Variants in BAZ2A observed in about 807,000 individuals in gnomAD.
The protein encoded by BAZ2A is bromodomain adjacent to zinc finger domain 2A, also known as bromodomain adjacent to zinc finger domain protein 2A.
BAZ2A carries 34 observed loss-of-function variants against 199.9 expected under a neutral mutation model. That is an observed-to-expected ratio of 0.17 (90% CI 0.13 to 0.23). The LOEUF (loss-of-function observed/expected upper bound fraction) is 0.23, where lower values mean the gene tolerates loss of function less well. Ranked by LOEUF, BAZ2A falls within the 10% of genes least tolerant of loss-of-function variation. The pLI is 1.00. For missense variants in BAZ2A, 2,002 were observed against 2,391.1 expected, an observed-to-expected ratio of 0.84 and a Z score of 3.39; for synonymous variants, 857 against 883.9, an observed-to-expected ratio of 0.97 and a Z score of 0.54.
chr12:56,606,369 G>A, intron 11 of BAZ2A, 57 bp from the exon 12 acceptor site: 1 of 1,599,244 alleles, frequency 6.3e-7, no homozygotes, highest in African/African-American at 1.3e-5. Context: ...CTCTGCTTGG[G>A]CTAGGATTCA....
chr12:56,611,925 G>A lies in BAZ2A; in HGVS notation c.1457C>T (p.Ala486Val). The A allele has an allele frequency of 1.2e-6, 2 of 1,611,646 alleles. No individual in the cohort carries two copies. The highest frequency in any genetic ancestry group is 1.7e-6 in the Non-Finnish European group (2 of 1,178,714). The change falls in exon 6 of 29, where the codon GCT becomes GTT. Residue 486 changes from alanine to valine, a missense_variant. This residue lies in a region of BAZ2A where 641 missense variants were observed against 694.5 expected (regional missense o/e 0.92). Transcript: ENST00000549884. Reference sequence around the variant, plus strand: ...AGAGGCTTTTGGGGATGTCACTGAAGCCGTCAACGGGACTTCTAAGGAGAC... The same window carrying A: ...AGAGGCTTTTGGGGATGTCACTGAAACCGTCAACGGGACTTCTAAGGAGAC... The part of the protein sequence containing the change: ...PAVSLEVPLT[A>V]SVTSPKASPV...
Position 56,612,231 on chromosome 12 carries a change from A to G in BAZ2A, c.1151T>C (p.Leu384Pro), listed in dbSNP as rs1443783529. The G allele has an allele frequency of 6.2e-7, 1 of 1,613,238 alleles. No individual in the cohort carries two copies. Among genetic ancestry groups the G allele is most frequent in the East Asian group, 2.2e-5 (1 of 44,872 alleles). The change falls in exon 6 of 29, where the codon CTG (leucine) becomes CCG (proline). Residue 384 changes from leucine (L) to proline (P), a missense_variant. By Grantham distance (98) the Leu-to-Pro change is moderately conservative (BLOSUM62 -3). Coordinates refer to ENST00000549884, the MANE Select transcript of BAZ2A (RefSeq NM_001300905.2). Reference sequence around the variant, plus strand: ...CTGTTCAGCGTCACTACCATTATTCAGGTCAAAGCTGTTATCTAGAATCCA... The same window carrying G: ...CTGTTCAGCGTCACTACCATTATTCGGGTCAAAGCTGTTATCTAGAATCCA... ...ESVLQDNSFD[L>P]NNGSDAEQEE...
chr12:56,630,866 C>T, upstream of BAZ2A: 2 of 985,534 alleles, frequency 2.0e-6, no homozygotes, highest in Non-Finnish European at 1.2e-6. Context: ...GGAAAGATTC[C>T]TGTGCGTGGG....
chr12:56,620,563 C>CTTTTTTTTTT (rs11367195), intron 1 of BAZ2A, among the ~76,000 whole-genome samples: 2 of 144,426 alleles, frequency 1.4e-5, no homozygotes, highest in Admixed American at 6.9e-5. Context: ...CCAGGATTTC[C>CTTTTTTTTTT]TTTTTTTTTT....
chr12:56,626,157 A>G (rs1951091810), intron 1 of BAZ2A, among the ~76,000 whole-genome samples: 1 of 152,196 alleles, frequency 6.6e-6, no homozygotes, highest in Non-Finnish European at 1.5e-5. Context: ...AAATAGTCCT[A>G]CTGACCCACA....
At position 56,606,602 on chromosome 12, in the gene BAZ2A, CCTA is replaced by C. The variant is rs756522007; in HGVS notation, c.2193+28_2193+30del. On this transcript the variant is annotated intron_variant, in intron 11 of 28. Transcript: ENST00000549884. Reference sequence around the variant, plus strand: ...TGAAGTAAGTTGTAGGAAAAATTAACCTACTGTTTCATCTCTCTGATGTCCCTC... The same window carrying C: ...TGAAGTAAGTTGTAGGAAAAATTAACCTGTTTCATCTCTCTGATGTCCCTC... 10 of 1,584,284 alleles carry C rather than the reference CCTA, an allele frequency of 6.3e-6. No homozygotes were observed. In the South Asian group the frequency reaches 8.8e-5, roughly 14 times the overall value.
chr12:56,604,345 G>A (rs1028391944), intron 15 of BAZ2A, 54 bp from the exon 16 acceptor site: 7 of 1,527,156 alleles, frequency 4.6e-6, no homozygotes, highest in Non-Finnish European at 5.4e-6. Flanking sequence ...AGGGAAAGGA[G>A]GCTCAAGGGT....
chr12:56,615,785 T>A (rs1331062405), intron 2 of BAZ2A, among the ~76,000 whole-genome samples, 178 bp from the exon 3 acceptor site: 1 of 152,190 alleles, frequency 6.6e-6, no homozygotes, highest in African/African-American at 2.4e-5. Context: ...GGCTCCTGGA[T>A]GTAGGTTTAG....
chr12:56,636,985 G>C (rs1951462249), upstream of BAZ2A, among the ~76,000 whole-genome samples: 1 of 152,156 alleles, frequency 6.6e-6, no homozygotes, highest in African/African-American at 2.4e-5. Flanking sequence ...CAGCCCCCAG[G>C]GGCCTCTGAA....
At chr12:56,629,982 G>A (rs1343287767) in intron 1 of BAZ2A, 143 bp downstream of exon 1, 3 of 587,140 alleles carry the variant, frequency 5.1e-6, no homozygotes, top group African/African-American at 4.1e-5. Context: ...CCTCGGGTTG[G>A]ATCCTCGCAG....
chr12:56,610,368 C>A, intron 8 of BAZ2A, 41 bp downstream of exon 8: 1 of 1,604,002 alleles, frequency 6.2e-7, no homozygotes, highest in South Asian at 1.1e-5. Flanking sequence ...AAGGAGTCCA[C>A]TGAGCCCAAG....
At chr12:56,605,483 A>G in intron 13 of BAZ2A, 156 bp from the exon 14 acceptor site, 1 of 828,698 alleles carries the variant, frequency 1.2e-6, no homozygotes, top group Non-Finnish European at 1.8e-6. Flanking sequence ...GTGCAGTGGC[A>G]TGATCTCTGC....
chr12:56,623,028 A>G (rs1950969493), intron 1 of BAZ2A, among the ~76,000 whole-genome samples: 1 of 152,090 alleles, frequency 6.6e-6, no homozygotes, highest in Non-Finnish European at 1.5e-5. Context: ...CGAGGTCAAG[A>G]GATCGAGACC....
chr12:56,603,163 C>T (rs1469718086), intron 18 of BAZ2A, among the ~76,000 whole-genome samples, 196 bp downstream of exon 18: 1 of 152,194 alleles, frequency 6.6e-6, no homozygotes, highest in Non-Finnish European at 1.5e-5. Context: ...TGCCTGTAGT[C>T]CCAGCTACTT....
Position 56,602,874 on chromosome 12 carries a change from A to AATGAAG in BAZ2A, c.3280-23_3280-18dup. 1 of 1,599,288 alleles carries AATGAAG rather than the reference A, an allele frequency of 6.3e-7. No individual in the cohort carries two copies. The highest frequency in any genetic ancestry group is 8.5e-7 in the Non-Finnish European group (1 of 1,170,904). ...AAGCTGACGCTGGGTAGACAATGAA[A>AATGAAG]ATGAAGATGAATAAACACATTTCCA... On this transcript the variant is annotated splice_polypyrimidine_tract_variant and intron_variant, in intron 18 of 28. Transcript: ENST00000549884.
In BAZ2A at chr12:56,610,429, G is replaced by C. The variant is rs1950523408; in HGVS notation, c.1759C>G (p.Gln587Glu). The change falls in exon 8 of 29, where the codon CAA becomes GAA. Residue 587 changes from glutamine (Q) to glutamate (E), a missense_variant. Gln to Glu is a conservative substitution (Grantham distance 29). Around this residue, in one of 6 missense-constraint regions of BAZ2A, gnomAD observed 74 missense variants for 126.1 expected, o/e 0.59. Transcript: ENST00000549884. ...ATTACCTTGATCACTTCTGGAAATT[G>C]CTTCATCCTCTTCCCACAGGGGCCA... ...YYGPCGKRMK[Q>E]FPEVIKYLSR... 1 of 1,613,630 alleles carries C rather than the reference G, an allele frequency of 6.2e-7. No individual in the cohort carries two copies. Among genetic ancestry groups the C allele is most frequent in the African/African-American group, 1.3e-5 (1 of 74,884 alleles).
exon 1 of BAZ2A, chr12:56,636,332 A>C: frequency 7.0e-7 from 1 of 1,435,750 alleles, no homozygotes; most frequent in South Asian, 1.3e-5. Flanking sequence ...CTTCCTGCGA[A>C]CCACACAGCC....
At chr12:56,621,881 G>A (rs1950930360) in intron 1 of BAZ2A, among the ~76,000 whole-genome samples, 1 of 151,728 alleles carries the variant, frequency 6.6e-6, no homozygotes, top group Non-Finnish European at 1.5e-5. Flanking sequence ...GTAGACACAG[G>A]GTCTCGCTAT....
In BAZ2A at chr12:56,606,632, C is replaced by T; in HGVS notation, c.2193+1G>A. On this transcript the variant is annotated splice_donor_variant, in intron 11 of 28. Coordinates refer to ENST00000549884, the MANE Select transcript of BAZ2A (RefSeq NM_001300905.2). LOFTEE classifies it high-confidence loss of function. ...TGTTTCATCTCTCTGATGTCCCTCACCTGCCCTTGGATAGTAGTCTGACAC... is the reference window on the plus strand; with the variant it reads ...TGTTTCATCTCTCTGATGTCCCTCATCTGCCCTTGGATAGTAGTCTGACAC... 1 of 1,612,856 alleles carries T rather than the reference C, an allele frequency of 6.2e-7. No homozygotes were observed. Among genetic ancestry groups the T allele is most frequent in the Non-Finnish European group, 8.5e-7 (1 of 1,178,882 alleles).
Sources: allele counts gnomAD v4.1 joint callset (sites outside exome capture counted in the v4.1 genomes callset), GRCh38; gene constraint gnomAD v4.1.1; regional missense constraint gnomAD v4.1.1; transcripts MANE v1.5; gene names NCBI Gene and HGNC (gene_info 2026-07-23, HGNC 2026-07-21).